Variants in CHL1 observed in about 807,000 individuals in gnomAD.
The protein encoded by CHL1 is neural cell adhesion molecule L1-like protein.
A neutral mutation model predicts 141.9 loss-of-function variants in CHL1; 96 were observed. That is an observed-to-expected ratio of 0.68 (90% CI 0.57 to 0.80). The LOEUF is 0.80. Ranked by LOEUF, CHL1 falls within the 30% of genes least tolerant of loss-of-function variation. The pLI is 0.00. For synonymous variants in CHL1, 613 were observed against 502.2 expected (o/e 1.22, Z -2.95); for missense variants, 1,820 against 1,457.2 (o/e 1.25, Z -4.05).
chr3:366,377 A>G (rs1015354733), intron 15 of CHL1, among the ~76,000 whole-genome samples: 2 of 151,856 alleles, frequency 1.3e-5, no homozygotes, highest in African/African-American at 4.8e-5. Context: ...AGGCTGGTGC[A>G]CAAGAATCAC....
In CHL1 at chr3:197,630, C is replaced by CGG. The variant is rs35603824; in HGVS notation, c.-175+574_-175+575dup. Reference sequence around the variant, plus strand: ...CAGGAGAGGATTCTAGATCCCAGCCCGGGGGGGGTTCCGAAAATGCCGCCA... The same window carrying CGG: ...CAGGAGAGGATTCTAGATCCCAGCCCGGGGGGGGGGTTCCGAAAATGCCGCCA... On this transcript the variant is annotated intron_variant, in intron 1 of 27. Transcript: ENST00000256509. 1.4e-3 allele frequency: 494 copies of CGG among 346,184 alleles called. 2 individuals carry two copies. Among genetic ancestry groups the CGG allele is most frequent in the African/African-American group, 5.4e-3 (241 of 44,682 alleles). 21.4% of individuals were successfully genotyped at this position (346,184 alleles called of 1,614,324 possible).
intron 5 of CHL1, among the ~76,000 whole-genome samples, chr3:335,533 G>A (rs984299478): frequency 1.3e-5 from 2 of 152,174 alleles, no homozygotes; most frequent in Non-Finnish European, 2.9e-5. Context: ...TGACAATGAT[G>A]GCAGACTGTG....
intron 2 of CHL1, 107 bp from the exon 3 acceptor site, chr3:319,576 A>C: frequency 2.0e-6 from 1 of 502,360 alleles, no homozygotes; most frequent in Non-Finnish European, 3.5e-6. Flanking sequence ...ATAAGGAGGA[A>C]ACATACTGCC....
At chr3:254,163 C>G (rs1434510518) in intron 2 of CHL1, among the ~76,000 whole-genome samples, 1 of 152,158 alleles carries the variant, frequency 6.6e-6, no homozygotes, top group African/African-American at 2.4e-5. Flanking sequence ...AGAGAGTACT[C>G]CTTTGTGCAA....
intron 2 of CHL1, among the ~76,000 whole-genome samples, chr3:245,689 C>G (rs1026837712): frequency 4.6e-5 from 7 of 151,926 alleles, no homozygotes; most frequent in Non-Finnish European, 5.9e-5. Flanking sequence ...GACCTTAATA[C>G]AAATATAAAA....
At chr3:294,091 G>A (rs2124832054) in intron 2 of CHL1, among the ~76,000 whole-genome samples, 1 of 152,208 alleles carries the variant, frequency 6.6e-6, no homozygotes, top group South Asian at 2.1e-4. Context: ...GGCCGAGGCA[G>A]GCAGATCGGT....
chr3:255,688 T>C (rs1476863733), intron 2 of CHL1, among the ~76,000 whole-genome samples: 1 of 152,226 alleles, frequency 6.6e-6, no homozygotes, highest in East Asian at 1.9e-4. Context: ...CTTTATTTTC[T>C]TGCATAGTTT....
At position 390,955 on chromosome 3, in the gene CHL1, A is replaced by G; in HGVS notation, c.2587A>G (p.Ile863Val). ...RVHGRLKGYQ[I>V]NWWKTKSLLD... is the part of the protein sequence containing the mutation. ...TAAAAGATTTTGGTTTTCATTGCAG[A>G]TAAATTGGTGGAAAACAAAAAGTCT... The change falls in exon 22 of 28, where the codon ATA becomes GTA. Residue 863 changes from isoleucine (I) to valine (V), a missense_variant and splice_region_variant. Ile to Val is a conservative substitution (Grantham distance 29). Coordinates refer to ENST00000256509, the MANE Select transcript of CHL1 (RefSeq NM_006614.4). 1.2e-6 allele frequency: 2 copies of G among 1,613,320 alleles called. No homozygotes were observed. The highest frequency in any genetic ancestry group is 1.1e-5 in the South Asian group (1 of 91,066).
chr3:263,527 A>G (rs1240324820), intron 2 of CHL1, among the ~76,000 whole-genome samples: 1 of 152,200 alleles, frequency 6.6e-6, no homozygotes, highest in Non-Finnish European at 1.5e-5. Context: ...TACAGTGATG[A>G]GATGTGGTGC....
At chr3:223,185 CT>C (rs1701009975) in intron 1 of CHL1, among the ~76,000 whole-genome samples, 1 of 152,192 alleles carries the variant, frequency 6.6e-6, no homozygotes, top group African/African-American at 2.4e-5. Flanking sequence ...ACCCTTTAAA[CT>C]CTTTTCTGGT....
chr3:264,980 C>T (rs934391717), intron 2 of CHL1, among the ~76,000 whole-genome samples: 7 of 152,124 alleles, frequency 4.6e-5, no homozygotes, highest in African/African-American at 1.7e-4. Context: ...TGTAAATTTG[C>T]GAATAATGAT....
chr3:386,640 G>A (rs9825875), intron 19 of CHL1, among the ~76,000 whole-genome samples: 151,267 of 152,310 alleles, frequency 0.99, 75,123 homozygotes, highest in Middle Eastern at 1. Flanking sequence ...GACACCAAAA[G>A]CAAAACCAAA....
chr3:289,616 T>A (rs1697481930), intron 2 of CHL1, among the ~76,000 whole-genome samples: 1 of 152,174 alleles, frequency 6.6e-6, no homozygotes, highest in South Asian at 2.1e-4. Flanking sequence ...TTTTTGTCAA[T>A]CTATCAATAC....
At chr3:241,397 A>G (rs1692543785) in intron 1 of CHL1, among the ~76,000 whole-genome samples, 1 of 152,200 alleles carries the variant, frequency 6.6e-6, no homozygotes, top group Admixed American at 6.5e-5. Flanking sequence ...TTGAAATATT[A>G]GATAACTTCA....
At chr3:318,063 T>C (rs1006276614) in intron 2 of CHL1, among the ~76,000 whole-genome samples, 2 of 151,890 alleles carry the variant, frequency 1.3e-5, no homozygotes, top group Non-Finnish European at 2.9e-5. Flanking sequence ...ATTACTCTAA[T>C]TCAGGACAAA....
intron 2 of CHL1, among the ~76,000 whole-genome samples, chr3:305,264 C>T (rs942547931): frequency 6.6e-6 from 1 of 152,110 alleles, no homozygotes; most frequent in Non-Finnish European, 1.5e-5. Flanking sequence ...TTGTCTTTGT[C>T]ACCTGCTAGT....
At chr3:278,642 T>C (rs1419154909) in intron 2 of CHL1, among the ~76,000 whole-genome samples, 1 of 152,212 alleles carries the variant, frequency 6.6e-6, no homozygotes, top group African/African-American at 2.4e-5. Context: ...GTAAAAAGGA[T>C]GAGAATAAAT....
intron 24 of CHL1, among the ~76,000 whole-genome samples, chr3:396,352 A>G (rs187571573): frequency 6.6e-6 from 1 of 152,298 alleles, no homozygotes; most frequent in African/African-American, 2.4e-5. Context: ...TTAAAAACAG[A>G]ATTTAAGGCA....
intron 5 of CHL1, among the ~76,000 whole-genome samples, chr3:338,116 G>C (rs527657153): frequency 5.9e-5 from 9 of 152,004 alleles, no homozygotes; most frequent in African/African-American, 2.2e-4. Flanking sequence ...CGCCCACCTC[G>C]GCCTCCCAAA....
Sources: allele counts gnomAD v4.1 joint callset (sites outside exome capture counted in the v4.1 genomes callset), GRCh38; gene constraint gnomAD v4.1.1; transcripts MANE v1.5; gene names NCBI Gene and HGNC (gene_info 2026-07-23, HGNC 2026-07-21).